Variants in PLA2G6 observed in about 807,000 individuals in gnomAD.
PLA2G6 encodes phospholipase A2 group VI.
A neutral mutation model predicts 83.8 loss-of-function variants in PLA2G6; 62 were observed. That is an observed-to-expected ratio of 0.74 (90% CI 0.60 to 0.91). The LOEUF is 0.91. PLA2G6 is among the 40% of genes least tolerant of loss of function. PLA2G6 has a pLI of 0.00. For synonymous variants in PLA2G6, 417 were observed against 449.8 expected, an observed-to-expected ratio of 0.93 and a Z score of 0.92; for missense variants, 944 against 1,102.0, an observed-to-expected ratio of 0.86 and a Z score of 2.03.
rs1051615292 is a variant in PLA2G6 at position 38,123,045 on chromosome 22, G to A, written c.1591+50C>T. ...CCTGAAGACAAACTCGGCCCCTTGA[G>A]GACACAGGTCTCAGCCCCGCCTGGC... On this transcript the variant is annotated intron_variant, in intron 11 of 16. Coordinates refer to ENST00000332509, the MANE Select transcript of PLA2G6 (RefSeq NM_003560.4). The surrounding 1 kb of genome is among the most constrained non-coding windows in gnomAD (Gnocchi z 4.1). 3 of 1,518,012 alleles carry A rather than the reference G, an allele frequency of 2.0e-6. No individual in the cohort carries two copies. The highest frequency in any genetic ancestry group is 2.0e-5 in the Admixed American group (1 of 50,932). The allele number at this position is 1,518,012 out of a possible 1,614,324, so 94.0% of individuals were successfully genotyped here.
chr22:38,156,323 G>A (rs1197712868), intron 2 of PLA2G6, among the ~76,000 whole-genome samples: 2 of 152,134 alleles, frequency 1.3e-5, no homozygotes, highest in Non-Finnish European at 2.9e-5. Flanking sequence ...TAGATCAGAT[G>A]AACCTATTAG....
intron 2 of PLA2G6, chr22:38,149,113 C>G (rs942203841): frequency 2.0e-5 from 3 of 152,568 alleles, no homozygotes; most frequent in African/African-American, 7.2e-5. Context: ...GATCCACCTG[C>G]CTCAGCCTCC....
In PLA2G6 at chr22:38,145,603, T is replaced by C; in HGVS notation, c.260A>G (p.Tyr87Cys). ...ATAGAAGGGTAGCAGCTGGGAAGAATACTGATGGAAATTCACTAGGGCGTC... is the reference window on the plus strand; with the variant it reads ...ATAGAAGGGTAGCAGCTGGGAAGAACACTGATGGAAATTCACTAGGGCGTC... ...EADALVNFHQ[Y>C]SSQLLPFYES... Residue 87 changes from tyrosine to cysteine, a missense_variant, in exon 3 of 17, where the codon TAT becomes TGT. Physicochemically the swap from Tyr to Cys is radical, Grantham distance 194. Transcript: ENST00000332509. 6.2e-7 allele frequency: 1 copy of C among 1,613,722 alleles called. No individual in the cohort carries two copies. The highest frequency in any genetic ancestry group is 8.5e-7 in the Non-Finnish European group (1 of 1,179,906).
chr22:38,142,266 A>G (rs978760730), intron 4 of PLA2G6: 1 of 151,854 alleles, frequency 6.6e-6, no homozygotes, highest in Non-Finnish European at 1.5e-5. Context: ...TCTGATGCCA[A>G]GGCAGAGAGA....
At chr22:38,161,585 G>T (rs2090013836) in intron 2 of PLA2G6, among the ~76,000 whole-genome samples, 1 of 152,136 alleles carries the variant, frequency 6.6e-6, no homozygotes, top group Non-Finnish European at 1.5e-5. Flanking sequence ...TGTTCAAATG[G>T]TGTCAAGAAG....
At position 38,123,679 on chromosome 22, in the gene PLA2G6, C is replaced by A. The variant is rs2087661368; in HGVS notation, c.1428-421G>T. 4.6e-5 allele frequency among the ~76,000 whole-genome samples: 7 copies of A among 151,960 alleles called. No homozygotes were observed. In the South Asian group the frequency reaches 1.5e-3, roughly 32 times the overall value. Reference sequence around the variant, plus strand: ...CAGCCAGGCCAGGAATGGGCAGTGACAGAGTATCAGGGCCTCCACACAAGG... The same window carrying A: ...CAGCCAGGCCAGGAATGGGCAGTGAAAGAGTATCAGGGCCTCCACACAAGG... On this transcript the variant is annotated intron_variant, in intron 10 of 16. Coordinates refer to ENST00000332509, the MANE Select transcript of PLA2G6 (RefSeq NM_003560.4). This position sits in a 1 kb window ranked among gnomAD's most constrained non-coding sequence, Gnocchi z 4.1.
At chr22:38,117,639 G>A (rs2087286140) in intron 12 of PLA2G6, among the ~76,000 whole-genome samples, 1 of 152,174 alleles carries the variant, frequency 6.6e-6, no homozygotes, top group Non-Finnish European at 1.5e-5. Context: ...ATCCATCAAT[G>A]GATGAATGGA....
intron 12 of PLA2G6, 49 bp downstream of exon 12, chr22:38,120,710 G>A: frequency 6.2e-7 from 1 of 1,607,276 alleles, no homozygotes; most frequent in East Asian, 2.2e-5. Context: ...CCAGGGAACA[G>A]CCACAGTGGG....
At chr22:38,126,998 C>G in intron 9 of PLA2G6, 7 of 1,074,052 alleles carry the variant, frequency 6.5e-6, no homozygotes, top group Non-Finnish European at 7.9e-6. Context: ...TCCCAGTGGC[C>G]TCCGGGATCA....
chr22:38,174,087 G>C (rs2090536658), intron 1 of PLA2G6, among the ~76,000 whole-genome samples: 1 of 151,656 alleles, frequency 6.6e-6, no homozygotes, highest in Non-Finnish European at 1.5e-5. Context: ...AATTAAAGTT[G>C]ATGTCCACCA....
In PLA2G6 at chr22:38,125,743, G is replaced by A. The variant is rs11570712; in HGVS notation, c.1427+628C>T. 497 of 469,416 alleles carry A rather than the reference G, an allele frequency of 1.1e-3. 1 individual carries two copies. Among genetic ancestry groups the A allele is most frequent in the African/African-American group, 9.3e-3 (465 of 50,112 alleles). The allele number at this position is 469,416 out of a possible 1,614,324, so 29.1% of individuals were successfully genotyped here. A position where few individuals can be genotyped will look rare whatever the true frequency, so the allele number is the denominator to read the frequency against. ...CCTGGGAAGGCTATTAGGAACATGA[G>A]AGACTAATAAAGAATAAATGAATCA... On this transcript the variant is annotated intron_variant, in intron 10 of 16. Transcript: ENST00000332509.
At chr22:38,129,888 A>T (rs2088104522) in intron 7 of PLA2G6, among the ~76,000 whole-genome samples, 1 of 152,188 alleles carries the variant, frequency 6.6e-6, no homozygotes, top group South Asian at 2.1e-4. Context: ...CCCAGGAGCC[A>T]TGGGGACACA....
chr22:38,145,940 C>T (rs2089237591), intron 2 of PLA2G6: 2 of 424,002 alleles, frequency 4.7e-6, no homozygotes, highest in South Asian at 4.3e-5. Context: ...GTGGTGTGAT[C>T]ATGACTCACT....
chr22:38,118,714 TA>T (rs2087349166), intron 12 of PLA2G6, among the ~76,000 whole-genome samples: 1 of 151,842 alleles, frequency 6.6e-6, no homozygotes, highest in Non-Finnish European at 1.5e-5. Flanking sequence ...AATTTATAAA[TA>T]TTTTTTCTTT....
chr22:38,167,011 G>A (rs1026942221), intron 2 of PLA2G6, among the ~76,000 whole-genome samples: 9 of 151,866 alleles, frequency 5.9e-5, no homozygotes, highest in African/African-American at 1.7e-4. Flanking sequence ...GGCGGATCAC[G>A]AGGTCAGGAG....
At chr22:38,164,345 C>T (rs1030696344) in intron 2 of PLA2G6, among the ~76,000 whole-genome samples, 10 of 152,312 alleles carry the variant, frequency 6.6e-5, no homozygotes, top group African/African-American at 1.9e-4. Flanking sequence ...TCTGAATAAT[C>T]GCTACGCTGA....
In PLA2G6 at chr22:38,112,288, C is replaced by A; in HGVS notation, c.2294G>T (p.Gly765Val). 1 of 1,613,576 alleles carries A rather than the reference C, an allele frequency of 6.2e-7. No individual in the cohort carries two copies. Among genetic ancestry groups the A allele is most frequent in the Non-Finnish European group, 8.5e-7 (1 of 1,179,884 alleles). ...IQYFRLNPQL[G>V]TDIMLDEVSD... ...GACCTCATCCAGCATGATGTCCGTC[C>A]CCAGCTGGGGGTTCAATCTGTTCGG... Residue 765 changes from glycine to valine, a missense_variant, in exon 17 of 17, where the codon GGG becomes GTG. By Grantham distance (109) the Gly-to-Val change is moderately radical (BLOSUM62 -3). Transcript: ENST00000332509.
At chr22:38,129,968 G>T (rs887019796) in intron 7 of PLA2G6, among the ~76,000 whole-genome samples, 6 of 152,194 alleles carry the variant, frequency 3.9e-5, no homozygotes, top group African/African-American at 1.4e-4. Context: ...AGGCCATCTT[G>T]CCCACCCAGT....
Position 38,145,032 on chromosome 22 carries a change from CTTTTTTT to C in PLA2G6, c.425+399_425+405del, listed in dbSNP as rs968832533. 561 of 192,634 alleles carry C rather than the reference CTTTTTTT, an allele frequency of 2.9e-3. 1 individual carries two copies. The highest frequency in any genetic ancestry group is 4.2e-3 in the Non-Finnish European group (416 of 98,640). 11.9% of individuals were successfully genotyped at this position (192,634 alleles called of 1,614,324 possible). A position where few individuals can be genotyped will look rare whatever the true frequency, so the allele number is the denominator to read the frequency against. ...TTTTAATCTGGTAGCAACGCAGCACCTTTTTTTTTTTTTTTTTTTTTTTCCTAGAGAC... is the reference window on the plus strand; with the variant it reads ...TTTTAATCTGGTAGCAACGCAGCACCTTTTTTTTTTTTTTTTCCTAGAGAC... On this transcript the variant is annotated intron_variant, in intron 3 of 16. Coordinates refer to ENST00000332509, the MANE Select transcript of PLA2G6 (RefSeq NM_003560.4).
Sources: gnomAD v4.1 joint callset for allele counts (sites outside exome capture counted in the v4.1 genomes callset) on GRCh38, gnomAD v4.1.1 for gene constraint, Gnocchi (gnomAD v3.1) non-coding constraint, MANE v1.5 for transcripts, NCBI Gene and HGNC (gene_info 2026-07-23, HGNC 2026-07-21) for gene names.